The following NRG3 variants were observed in gnomAD, a reference collection of about 807,000 sequenced individuals.
NRG3 encodes neuregulin 3.
A neutral mutation model predicts 66.9 loss-of-function variants in NRG3; 31 were observed. The ratio of observed to expected loss-of-function variants is 0.46; its 90% CI spans 0.35 to 0.63. NRG3 has a LOEUF of 0.63. NRG3 is among the 20% of genes least tolerant of loss of function. The pLI, the probability that NRG3 is intolerant of heterozygous loss-of-function variation, is 0.00. For synonymous variants in NRG3, 393 were observed against 359.4 expected (o/e 1.09, Z -1.06); for missense variants, 910 against 878.9 (o/e 1.04, Z -0.45).
At chr10:82,266,033 A>G (rs2078276660) in intron 1 of NRG3, among the ~76,000 whole-genome samples, 1 of 152,122 alleles carries the variant, frequency 6.6e-6, no homozygotes, top group Non-Finnish European at 1.5e-5. Flanking sequence ...ACATATTCAG[A>G]GATGAGATTT....
chr10:82,803,891 C>A (rs59233528), intron 3 of NRG3, among the ~76,000 whole-genome samples: 15,238 of 152,192 alleles, frequency 0.1, 873 homozygotes, highest in Middle Eastern at 0.16. Context: ...CAAGGTCAAC[C>A]ATAGTCCAAA....
intron 1 of NRG3, among the ~76,000 whole-genome samples, chr10:82,043,208 TG>T (rs2063122386): frequency 6.6e-6 from 1 of 151,964 alleles, no homozygotes; most frequent in Non-Finnish European, 1.5e-5. Flanking sequence ...TTAATTCAAG[TG>T]TTGTGTGATG....
At chr10:82,098,054 T>TATACAC (rs757078526) in intron 1 of NRG3, among the ~76,000 whole-genome samples, 1,912 of 146,762 alleles carry the variant, frequency 0.013, 13 homozygotes, top group Non-Finnish European at 0.02. Flanking sequence ...GCCACATATA[T>TATACAC]ACACACACAC....
At chr10:82,619,339 T>A (rs2048882513) in intron 2 of NRG3, among the ~76,000 whole-genome samples, 1 of 152,172 alleles carries the variant, frequency 6.6e-6, no homozygotes, top group African/African-American at 2.4e-5. Flanking sequence ...AGCACAAGGC[T>A]TGATAAAGAA....
chr10:82,091,425 C>T (rs2066021198), intron 1 of NRG3, among the ~76,000 whole-genome samples: 1 of 152,090 alleles, frequency 6.6e-6, no homozygotes, highest in South Asian at 2.1e-4. Context: ...TATATTTGTC[C>T]TTCAGTGTCT....
At chr10:82,385,490 G>T (rs536935737) in intron 2 of NRG3, among the ~76,000 whole-genome samples, 2 of 152,232 alleles carry the variant, frequency 1.3e-5, no homozygotes, top group Admixed American at 1.3e-4. Flanking sequence ...GATATTCACT[G>T]GTAGGCAGGT....
At chr10:82,128,971 T>C (rs1302880413) in intron 1 of NRG3, among the ~76,000 whole-genome samples, 1 of 151,982 alleles carries the variant, frequency 6.6e-6, no homozygotes, top group Non-Finnish European at 1.5e-5. Flanking sequence ...TGGAGTGCAG[T>C]GGCGTGATAT....
chr10:82,837,544 A>C (rs1286410118), intron 3 of NRG3, among the ~76,000 whole-genome samples: 1 of 152,184 alleles, frequency 6.6e-6, no homozygotes, highest in Non-Finnish European at 1.5e-5. Flanking sequence ...AATAAAGGGA[A>C]GTTAACGATC....
intron 2 of NRG3, among the ~76,000 whole-genome samples, chr10:82,729,852 C>A (rs1045392790): frequency 6.6e-6 from 1 of 152,172 alleles, no homozygotes; most frequent in African/African-American, 2.4e-5. Flanking sequence ...TGTAGTTGAG[C>A]AAACTCATTT....
chr10:82,283,467 T>G (rs1367344114), intron 1 of NRG3, among the ~76,000 whole-genome samples: 2 of 152,160 alleles, frequency 1.3e-5, no homozygotes, highest in Non-Finnish European at 2.9e-5. Flanking sequence ...CTATGCAACC[T>G]TGATTTATTA....
intron 2 of NRG3, among the ~76,000 whole-genome samples, chr10:82,451,600 CT>C (rs372415035): frequency 2.6e-4 from 40 of 152,250 alleles, no homozygotes; most frequent in African/African-American, 9.4e-4. Context: ...GTTTATTTAA[CT>C]TCTCAGAGGA....
At chr10:82,090,013 T>G (rs1023524648) in intron 1 of NRG3, among the ~76,000 whole-genome samples, 3 of 152,184 alleles carry the variant, frequency 2.0e-5, no homozygotes, top group Non-Finnish European at 2.9e-5. Flanking sequence ...AGAGTCACAT[T>G]TCCCTTCTGA....
intron 2 of NRG3, among the ~76,000 whole-genome samples, chr10:82,547,935 A>G (rs2044035824): frequency 6.6e-6 from 1 of 151,976 alleles, no homozygotes; most frequent in African/African-American, 2.4e-5. Flanking sequence ...TGAAAGATAG[A>G]CTTATTTTCA....
At chr10:82,462,486 G>A (rs182139676) in intron 2 of NRG3, among the ~76,000 whole-genome samples, 7 of 152,302 alleles carry the variant, frequency 4.6e-5, no homozygotes, top group Admixed American at 4.6e-4. Context: ...GCAGGGAAAT[G>A]TCCTGTTGAG....
chr10:82,916,701 C>G (rs559429427), intron 4 of NRG3, among the ~76,000 whole-genome samples: 1 of 151,682 alleles, frequency 6.6e-6, no homozygotes, highest in African/African-American at 2.4e-5. Flanking sequence ...ATCTCAGCTC[C>G]GCCTCCCAGG....
rs929788693 is a variant in NRG3, at chr10:82,548,704, G to A, written c.953+189836G>A. On this transcript the variant is annotated intron_variant, in intron 2 of 8. Transcript: ENST00000372141. ...GATAAGAGGCAAAGACATAGACAGCGTACAGTTCAGGCAGGTAATAAGCAT... is the reference window on the plus strand; with the variant it reads ...GATAAGAGGCAAAGACATAGACAGCATACAGTTCAGGCAGGTAATAAGCAT... Among the ~76,000 whole-genome samples, 24 of 152,022 alleles carry A rather than the reference G, an allele frequency of 1.6e-4. No homozygotes were observed. The East Asian group carries it at 1.9e-3, about 12-fold the overall frequency.
chr10:82,152,458 A>G (rs752471687), intron 1 of NRG3, among the ~76,000 whole-genome samples: 3 of 152,152 alleles, frequency 2.0e-5, no homozygotes, highest in Non-Finnish European at 2.9e-5. Flanking sequence ...CAGCAAATTG[A>G]TGACAGATCT....
intron 6 of NRG3, among the ~76,000 whole-genome samples, chr10:82,968,661 C>CTGGG (rs374549485): frequency 0.37 from 54,516 of 145,596 alleles, 10,813 homozygotes; most frequent in Non-Finnish European, 0.47. Flanking sequence ...GGAAGGGAGG[C>CTGGG]AGGGAGGGAG....
At chr10:82,879,739 G>GTGC (rs1842144871) in intron 4 of NRG3, among the ~76,000 whole-genome samples, 1 of 152,024 alleles carries the variant, frequency 6.6e-6, no homozygotes, top group Non-Finnish European at 1.5e-5. Flanking sequence ...GCCTCCCAAA[G>GTGC]TGCTGGGATT....
Sources: allele counts gnomAD v4.1 joint callset (sites outside exome capture counted in the v4.1 genomes callset), GRCh38; gene constraint gnomAD v4.1.1; transcripts MANE v1.5; gene names NCBI Gene and HGNC (gene_info 2026-07-23, HGNC 2026-07-21).